Variants in DMD observed in about 807,000 individuals in gnomAD.
DMD encodes the protein dystrophin.
In DMD, 63 loss-of-function variants were observed where a neutral mutation model predicts 330.1. The observed-to-expected ratio is 0.19, with a 90% confidence interval of 0.16 to 0.24. The LOEUF (loss-of-function observed/expected upper bound fraction) is 0.24, where lower values mean the gene tolerates loss of function less well. Ranked by LOEUF, DMD falls within the 10% of genes least tolerant of loss-of-function variation. The pLI is 1.00. For missense variants in DMD, 3,344 were observed against 2,684.1 expected, an observed-to-expected ratio of 1.25 and a Z score of -5.43; for synonymous variants, 1,223 against 959.8, an observed-to-expected ratio of 1.27 and a Z score of -5.07.
At chrX:32,205,005 T>TCTCTCTCTCACA (rs60181300) in intron 44 of DMD, among the ~76,000 whole-genome samples, 1 of 29,230 alleles carries the variant, frequency 3.4e-5, no homozygotes, top group Admixed American at 4.4e-4. Flanking sequence ...TCTCTCTCTC[T>TCTCTCTCTCACA]CACATACACA....
chrX:32,811,332 C>T (rs1365461349), intron 6 of DMD, among the ~76,000 whole-genome samples: 1 of 111,002 alleles, frequency 9.0e-6, no homozygotes, highest in East Asian at 2.8e-4. Flanking sequence ...GAGGAAGAAC[C>T]AGTCTCCTAA....
At chrX:31,396,412 C>G (rs1211750527) in intron 60 of DMD, among the ~76,000 whole-genome samples, 1 of 111,585 alleles carries the variant, frequency 9.0e-6, no homozygotes, top group African/African-American at 3.3e-5. Context: ...GCTGGGATTA[C>G]AGGCGTGAGC....
chrX:32,446,837 T>A (rs1488920585), intron 27 of DMD, among the ~76,000 whole-genome samples: 1 of 110,355 alleles, frequency 9.1e-6, no homozygotes, highest in Non-Finnish European at 1.9e-5. Flanking sequence ...AAAGTACATA[T>A]TCCAAACCAG....
At chrX:32,905,706 G>A (rs1389204764) in intron 2 of DMD, among the ~76,000 whole-genome samples, 2 of 111,769 alleles carry the variant, frequency 1.8e-5, no homozygotes, top group Admixed American at 9.5e-5. Flanking sequence ...CACCTAGAAG[G>A]GTTGTTGACG....
intron 43 of DMD, among the ~76,000 whole-genome samples, chrX:32,280,272 CTCTG>C (rs1465886330): frequency 1.9e-5 from 2 of 106,781 alleles, no homozygotes; most frequent in African/African-American, 6.8e-5. Context: ...ATTTGTACTT[CTCTG>C]TCTGTCTACT....
intron 9 of DMD, among the ~76,000 whole-genome samples, chrX:32,695,213 AT>A (rs2147533810): frequency 8.9e-6 from 1 of 112,082 alleles, no homozygotes; most frequent in East Asian, 2.8e-4. Context: ...TATAATGAGC[AT>A]GGGCATGGAG....
intron 44 of DMD, among the ~76,000 whole-genome samples, chrX:32,145,914 G>T (rs752600540): frequency 2.7e-5 from 3 of 111,855 alleles, no homozygotes; most frequent in Non-Finnish European, 3.8e-5. Flanking sequence ...AAGACGTCAA[G>T]ATATTTATTA....
intron 41 of DMD, among the ~76,000 whole-genome samples, chrX:32,328,193 A>G (rs188427262): frequency 2.7e-5 from 3 of 111,871 alleles, no homozygotes; most frequent in Non-Finnish European, 5.6e-5. Context: ...AAAAGGACAG[A>G]AAATGTAATA....
chrX:32,837,869 G>A (rs893482019), intron 4 of DMD, among the ~76,000 whole-genome samples: 1 of 111,864 alleles, frequency 8.9e-6, no homozygotes, highest in African/African-American at 3.2e-5. Flanking sequence ...ATGCCTTGTT[G>A]AGAGTTCAGA....
At chrX:32,223,746 T>A (rs1937423201) in intron 43 of DMD, among the ~76,000 whole-genome samples, 2 of 112,111 alleles carry the variant, frequency 1.8e-5, no homozygotes, top group South Asian at 7.3e-4. Flanking sequence ...ATTGTCAGAC[T>A]TATAAATTTC....
chrX:32,142,120 G>T (rs916999620), intron 44 of DMD, among the ~76,000 whole-genome samples: 3 of 110,804 alleles, frequency 2.7e-5, no homozygotes, highest in African/African-American at 9.9e-5. Flanking sequence ...ATGGTGCAAG[G>T]GGGGTAGACA....
intron 57 of DMD, among the ~76,000 whole-genome samples, chrX:31,493,666 CT>C (rs1033197779): frequency 2.7e-5 from 3 of 111,300 alleles, no homozygotes; most frequent in African/African-American, 9.8e-5. Flanking sequence ...GGATTTTGGT[CT>C]TTTTCCAAGA....
intron 22 of DMD, among the ~76,000 whole-genome samples, chrX:32,469,329 T>C (rs1047478741): frequency 9.1e-6 from 1 of 110,497 alleles, no homozygotes; most frequent in African/African-American, 3.3e-5. Context: ...TTTACTTTAA[T>C]GTTACTTTTA....
At chrX:31,710,766 A>G (rs1333279666) in intron 52 of DMD, among the ~76,000 whole-genome samples, 1 of 111,832 alleles carries the variant, frequency 8.9e-6, no homozygotes, top group Non-Finnish European at 1.9e-5. Flanking sequence ...TAGGTAAACT[A>G]CTAAAATTTA....
rs58505662 is a variant in DMD at position 33,129,325 on chromosome X, C to CTTTTTTTTTTTTT, written c.31+81944_31+81956dup. Among the ~76,000 whole-genome samples the CTTTTTTTTTTTTT allele has an allele frequency of 1.3e-3, 39 of 30,720 alleles. 14 individuals are homozygous for CTTTTTTTTTTTTT. Among genetic ancestry groups the CTTTTTTTTTTTTT allele is most frequent in the South Asian group, 4.2e-3 (1 of 239 alleles). 26.7% of individuals were successfully genotyped at this position (30,720 alleles called of 115,157 possible). A position where few individuals can be genotyped will look rare whatever the true frequency, so the allele number is the denominator to read the frequency against. ...AATCCAGAGTTACAGTTAAGGTTTG[C>CTTTTTTTTTTTTT]TTTTTTTTTTTTTTTTTTTTTTTTT... On this transcript the variant is annotated intron_variant, in intron 1 of 78. Transcript: ENST00000357033.
chrX:31,155,917 T>G (rs2038065580), intron 74 of DMD, among the ~76,000 whole-genome samples: 1 of 109,266 alleles, frequency 9.2e-6, no homozygotes, highest in Non-Finnish European at 1.9e-5. Context: ...ACCGCTTGAG[T>G]CTGGGAGGTT....
chrX:32,981,505 A>C (rs2147224204), intron 2 of DMD, among the ~76,000 whole-genome samples: 1 of 112,004 alleles, frequency 8.9e-6, no homozygotes, highest in African/African-American at 3.2e-5. Context: ...ATTTCCAGTT[A>C]ATGAGCATCT....
intron 47 of DMD, among the ~76,000 whole-genome samples, chrX:31,913,379 A>G (rs1432342550): frequency 1.8e-5 from 2 of 111,885 alleles, no homozygotes; most frequent in African/African-American, 6.5e-5. Context: ...TTTTTGAAAT[A>G]AATATTCTAC....
At chrX:32,145,266 T>G (rs1278448847) in intron 44 of DMD, among the ~76,000 whole-genome samples, 1 of 112,231 alleles carries the variant, frequency 8.9e-6, no homozygotes, top group Non-Finnish European at 1.9e-5. Flanking sequence ...AACACAATTT[T>G]TGTAATTTGC....
Sources: allele counts gnomAD v4.1 joint callset (sites outside exome capture counted in the v4.1 genomes callset), GRCh38; gene constraint gnomAD v4.1.1; transcripts MANE v1.5; gene names NCBI Gene and HGNC (gene_info 2026-07-23, HGNC 2026-07-21).